Variants in NTRK1 observed in about 807,000 individuals in gnomAD.
NTRK1 encodes high affinity nerve growth factor receptor.
NTRK1 carries 62 observed loss-of-function variants against 86.8 expected under a neutral mutation model. That is an observed-to-expected ratio of 0.71 (90% CI 0.58 to 0.88). The LOEUF (loss-of-function observed/expected upper bound fraction) is 0.88, where lower values mean the gene tolerates loss of function less well. Ranked by LOEUF, NTRK1 falls within the 40% of genes least tolerant of loss-of-function variation. The pLI, the probability that NTRK1 is intolerant of heterozygous loss-of-function variation, is 0.00. For missense variants in NTRK1, 967 were observed against 1,078.4 expected (o/e 0.90, Z 1.45); for synonymous variants, 469 against 456.6 (o/e 1.03, Z -0.35).
chr1:156,841,251 G>A, intron 1 of NTRK1: 1 of 989,848 alleles, frequency 1.0e-6, no homozygotes, highest in Non-Finnish European at 1.6e-6. Flanking sequence ...GAGTCTTGGG[G>A]GTTTGGGATA....
intron 14 of NTRK1, 113 bp downstream of exon 14, chr1:156,876,685 A>T (rs1647944348): frequency 3.0e-6 from 4 of 1,335,154 alleles, no homozygotes; most frequent in Non-Finnish European, 4.1e-6. Flanking sequence ...ACCAAGAAAG[A>T]TCAGGAAGGC....
intron 11 of NTRK1, 119 bp from the exon 12 acceptor site, chr1:156,875,401 A>T (rs2102914493): frequency 7.3e-7 from 1 of 1,360,734 alleles, no homozygotes; most frequent in Non-Finnish European, 1.0e-6. Context: ...CTCGCTCCCT[A>T]GCTTCTCAGT....
intron 1 of NTRK1, among the ~76,000 whole-genome samples, chr1:156,863,907 G>A (rs1012181412): frequency 6.6e-6 from 1 of 152,122 alleles, no homozygotes; most frequent in African/African-American, 2.4e-5. Flanking sequence ...TCTGAGAATG[G>A]ACTTGTGTGT....
intron 4 of NTRK1, 35 bp downstream of exon 4, chr1:156,867,013 A>G (rs958568249): frequency 6.2e-7 from 1 of 1,605,640 alleles, no homozygotes; most frequent in Non-Finnish European, 8.5e-7. Context: ...AAGAGCACCA[A>G]GTGTGTGTGT....
intron 7 of NTRK1, 64 bp downstream of exon 7, chr1:156,871,819 T>TGTAGGGTGGGGGGCTGGAAG (rs1647575629): frequency 6.2e-7 from 1 of 1,608,268 alleles, no homozygotes. Flanking sequence ...CAAAAGAGGA[T>TGTAGGGTGGGGGGCTGGAAG]GTAGGGTGGG....
At chr1:156,873,609 G>A (rs1452375646) in intron 7 of NTRK1, 24 bp from the exon 8 acceptor site, 5 of 1,605,422 alleles carry the variant, frequency 3.1e-6, no homozygotes, top group Non-Finnish European at 3.4e-6. Context: ...CTGACCTCCT[G>A]CTGTTGCTCT....
At chr1:156,870,869 C>A (rs535989091) in intron 6 of NTRK1, among the ~76,000 whole-genome samples, 5 of 152,228 alleles carry the variant, frequency 3.3e-5, no homozygotes, top group Non-Finnish European at 7.3e-5. Context: ...GACAAATCCA[C>A]GGTTTCCTAG....
At chr1:156,879,949 C>CT (rs2102926768) in intron 15 of NTRK1, 50 bp from the exon 16 acceptor site, 2 of 1,606,424 alleles carry the variant, frequency 1.2e-6, no homozygotes, top group East Asian at 4.5e-5. Flanking sequence ...TGTGCCTTGA[C>CT]GGGCTGTCCC....
intron 2 of NTRK1, chr1:156,849,536 C>T (rs974888830): frequency 8.9e-7 from 1 of 1,121,972 alleles, no homozygotes; most frequent in Non-Finnish European, 1.3e-6. Context: ...TTATGGGTTC[C>T]TCCTGGAAGG....
At position 156,874,319 on chromosome 1, in the gene NTRK1, CCTCCTCCCTCTGACTGCTTTCT is replaced by C. The variant is rs940559666; in HGVS notation, c.1178-31_1178-10del. 1,059 of 1,611,978 alleles carry C rather than the reference CCTCCTCCCTCTGACTGCTTTCT, an allele frequency of 6.6e-4. No homozygotes were observed. Among genetic ancestry groups the C allele is most frequent in the Non-Finnish European group, 7.7e-4 (903 of 1,178,210 alleles). ...GAGTAGGCAGGGGACTCACTGCTTT[CCTCCTCCCTCTGACTGCTTTCT>C]CTCCTCCCTCTGACTGCTTTCTCTC... On this transcript the variant is annotated intron_variant, in intron 8 of 16. Coordinates refer to ENST00000524377, the MANE Select transcript of NTRK1 (RefSeq NM_002529.4).
rs925887912 is a variant in NTRK1, at chr1:156,873,547, C to A, written c.851-86C>A. On this transcript the variant is annotated intron_variant, in intron 7 of 16. Transcript: ENST00000524377. ...CTGCCCTTTGATTTCGGGTTCTACTCGCTTTGCCCGTGGACTTGTCGGGTG... is the reference window on the plus strand; with the variant it reads ...CTGCCCTTTGATTTCGGGTTCTACTAGCTTTGCCCGTGGACTTGTCGGGTG... The A allele has an allele frequency of 1.0e-5, 12 of 1,166,640 alleles. No individual in the cohort carries two copies. In the Admixed American group the frequency reaches 2.1e-4, roughly 21 times the overall value. 72.3% of individuals were successfully genotyped at this position (1,166,640 alleles called of 1,614,324 possible).
chr1:156,881,782 T>C lies in NTRK1; in HGVS notation c.*140T>C, dbSNP rs957975698. Reference sequence around the variant, plus strand: ...CATGTGGGAAGGGACAGGTGGGGGCTGGGAGTAGAGGATGTTCCTGCTTCT... The same window carrying C: ...CATGTGGGAAGGGACAGGTGGGGGCCGGGAGTAGAGGATGTTCCTGCTTCT... On this transcript the variant is annotated 3_prime_UTR_variant, in exon 17 of 17. Transcript: ENST00000524377. 3 of 820,766 alleles carry C rather than the reference T, an allele frequency of 3.7e-6. No individual in the cohort carries two copies. Among genetic ancestry groups the C allele is most frequent in the African/African-American group, 3.5e-5 (2 of 57,460 alleles). The allele number at this position is 820,766 out of a possible 1,614,324, so 50.8% of individuals were successfully genotyped here.
chr1:156,846,587 G>T, intron 2 of NTRK1: 1 of 1,614,152 alleles, frequency 6.2e-7, no homozygotes, highest in East Asian at 2.2e-5. Flanking sequence ...CTCCTCAGTG[G>T]TTAGCGTGAT....
intron 1 of NTRK1, among the ~76,000 whole-genome samples, chr1:156,817,549 T>A (rs891045556): frequency 6.6e-6 from 1 of 152,026 alleles, no homozygotes; most frequent in East Asian, 1.9e-4. Context: ...CCAGGCAATA[T>A]TGGAGGAAGG....
chr1:156,861,986 A>G, intron 1 of NTRK1, among the ~76,000 whole-genome samples: 1 of 152,252 alleles, frequency 6.6e-6, no homozygotes, highest in East Asian at 1.9e-4. Flanking sequence ...GTACTCAGGC[A>G]TCATATGGTG....
At chr1:156,851,843 C>T (rs1036922205) in intron 2 of NTRK1, 4 of 1,578,956 alleles carry the variant, frequency 2.5e-6, no homozygotes, top group Non-Finnish European at 3.4e-6. Flanking sequence ...CCTCCTCAGG[C>T]CTCCTCACTG....
intron 1 of NTRK1, chr1:156,842,012 C>T: frequency 1.9e-6 from 3 of 1,584,938 alleles, no homozygotes; most frequent in Non-Finnish European, 2.6e-6. Flanking sequence ...CCAAGGGTCT[C>T]ACAGGCTGTC....
chr1:156,818,944 T>C (rs1320502026), intron 1 of NTRK1, among the ~76,000 whole-genome samples: 1 of 152,234 alleles, frequency 6.6e-6, no homozygotes, highest in African/African-American at 2.4e-5. Flanking sequence ...CCACTAGCAA[T>C]GTAAAACTGT....
At position 156,874,693 on chromosome 1, in the gene NTRK1, T is replaced by G. The variant is rs962675742; in HGVS notation, c.1251+67T>G. The G allele has an allele frequency of 2.7e-6, 4 of 1,500,510 alleles. No individual in the cohort carries two copies. In the African/African-American group the frequency reaches 5.5e-5, roughly 21 times the overall value. The allele number at this position is 1,500,510 out of a possible 1,614,324, so 92.9% of individuals were successfully genotyped here. ...GAGGCTGGGTAGAGGCTCATCTGCA[T>G]GTCATTTCTGGTCAGAGCAGGGAGA... On this transcript the variant is annotated intron_variant, in intron 10 of 16. Transcript: ENST00000524377.
Sources: allele counts gnomAD v4.1 joint callset (sites outside exome capture counted in the v4.1 genomes callset), GRCh38; gene constraint gnomAD v4.1.1; transcripts MANE v1.5; gene names NCBI Gene and HGNC (gene_info 2026-07-23, HGNC 2026-07-21).